The following IGFL4 variants were observed in gnomAD, a reference collection of about 807,000 sequenced individuals.
IGFL4 encodes IGF like family member 4.
Under a neutral mutation model 15.4 loss-of-function variants are expected in IGFL4, and 12 were observed. The ratio of observed to expected loss-of-function variants is 0.78; its 90% CI spans 0.50 to 1.26. The LOEUF is 1.26. Ranked by LOEUF, IGFL4 falls within the 50% of genes most tolerant of loss-of-function variation. The pLI is 0.00. For synonymous variants in IGFL4, 54 were observed against 55.9 expected (o/e 0.97, Z 0.16); for missense variants, 126 against 147.8 (o/e 0.85, Z 0.76).
At chr19:46,048,743 A>G (rs1394320035) in intron 2 of IGFL4, among the ~76,000 whole-genome samples, 3 of 152,200 alleles carry the variant, frequency 2.0e-5, no homozygotes, top group African/African-American at 7.2e-5. Context: ...GAGAACTACA[A>G]ATCACTGCTC....
intron 1 of IGFL4, among the ~76,000 whole-genome samples, chr19:46,067,482 G>A (rs10403760): frequency 0.2 from 30,634 of 151,990 alleles, 3,943 homozygotes; most frequent in African/African-American, 0.35. Context: ...CCTGATCCCA[G>A]AAGAATTAGC....
chr19:46,040,483 G>A lies in IGFL4; in HGVS notation c.70+35C>T, dbSNP rs766264202. The A allele has an allele frequency of 1.7e-5, 27 of 1,613,936 alleles. No individual in the cohort carries two copies. The South Asian group carries it at 2.7e-4, about 16-fold the overall frequency. ...GGACCACCTCCCCACCAACCTTAAT[G>A]CTGTTCTCTCCTCCCTCACTGCATC... On this transcript the variant is annotated intron_variant, in intron 2 of 3. Transcript: ENST00000377697. The surrounding 1 kb of genome is among the most constrained non-coding windows in gnomAD (Gnocchi z 4.1).
At chr19:46,061,351 A>G (rs1256537073) in intron 1 of IGFL4, among the ~76,000 whole-genome samples, 1 of 152,234 alleles carries the variant, frequency 6.6e-6, no homozygotes, top group Non-Finnish European at 1.5e-5. Context: ...TTTTCTGAGA[A>G]AATATTTGAT....
rs1428684131 is a variant in IGFL4, at chr19:46,047,314, TAAC to T, written c.-322-6207_-322-6205del. ...TCAGAAAGCTAGAAAGATCTCAAGTTAACAACCTAACATCTCAACTAAAAGAAC... is the reference window on the plus strand; with the variant it reads ...TCAGAAAGCTAGAAAGATCTCAAGTTAACCTAACATCTCAACTAAAAGAAC... On this transcript the variant is annotated intron_variant, in intron 2 of 5. Coordinates refer to the IGFL4 transcript ENST00000601672. Among the ~76,000 whole-genome samples the T allele has an allele frequency of 2.6e-5, 4 of 152,192 alleles. No homozygotes were observed. In the East Asian group the frequency reaches 5.8e-4, roughly 22 times the overall value.
chr19:46,043,630 A>C (rs1969268989), upstream of IGFL4, among the ~76,000 whole-genome samples: 2 of 152,232 alleles, frequency 1.3e-5, no homozygotes, highest in Non-Finnish European at 2.9e-5. Flanking sequence ...TTTCAGAAAT[A>C]AACCCAAACA....
chr19:46,056,976 C>G (rs1969399145), intron 2 of IGFL4, among the ~76,000 whole-genome samples: 1 of 152,124 alleles, frequency 6.6e-6, no homozygotes, highest in Non-Finnish European at 1.5e-5. Context: ...TTCAGAGTCC[C>G]AAAGGCTGTT....
chr19:46,049,800 C>T (rs1484389978), intron 2 of IGFL4, among the ~76,000 whole-genome samples: 2 of 152,182 alleles, frequency 1.3e-5, no homozygotes, highest in Non-Finnish European at 2.9e-5. Context: ...GTATCCTCCC[C>T]ACACAACCAC....
chr19:46,059,881 C>T (rs2146522248), intron 2 of IGFL4: 1 of 152,260 alleles, frequency 6.6e-6, no homozygotes, highest in Non-Finnish European at 1.5e-5. Flanking sequence ...TGGGTAAATT[C>T]CTCTCCTCTT....
intron 1 of IGFL4, among the ~76,000 whole-genome samples, chr19:46,069,541 T>C (rs943437933): frequency 1.3e-5 from 2 of 152,216 alleles, no homozygotes; most frequent in Non-Finnish European, 2.9e-5. Flanking sequence ...AGTCTACATA[T>C]ATGCCACACT....
At chr19:46,069,557 C>T (rs1368345612) in intron 1 of IGFL4, among the ~76,000 whole-genome samples, 1 of 152,120 alleles carries the variant, frequency 6.6e-6, no homozygotes, top group African/African-American at 2.4e-5. Flanking sequence ...ACACTTTTCC[C>T]TTCTTATAAA....
At position 46,040,741 on chromosome 19, in the gene IGFL4, G is replaced by A; in HGVS notation, c.20-173C>T. The A allele has an allele frequency of 1.1e-6, 1 of 938,190 alleles. No individual in the cohort carries two copies. Among genetic ancestry groups the A allele is most frequent in the Non-Finnish European group, 1.7e-6 (1 of 597,660 alleles). The allele number at this position is 938,190 out of a possible 1,614,324, so 58.1% of individuals were successfully genotyped here. The stretch of plus-strand genomic sequence containing the variant: ...GGGCTTGGCAGGTGAGGAAAGGCAG[G>A]GAGGGCTCTGGGAAAAGTTAAGCTT... On this transcript the variant is annotated intron_variant, in intron 1 of 3. Transcript: ENST00000377697. The surrounding 1 kb of genome is among the most constrained non-coding windows in gnomAD (Gnocchi z 4.1).
At chr19:46,076,821 T>C (rs1242904843) in intron 1 of IGFL4, among the ~76,000 whole-genome samples, 2 of 152,170 alleles carry the variant, frequency 1.3e-5, no homozygotes, top group Non-Finnish European at 2.9e-5. Context: ...CTATCTTTCC[T>C]GGCTGCCCGG....
At chr19:46,049,432 G>T (rs143860351) in intron 2 of IGFL4, among the ~76,000 whole-genome samples, 1 of 152,324 alleles carries the variant, frequency 6.6e-6, no homozygotes, top group Admixed American at 6.5e-5. Context: ...GGGGGGCATA[G>T]TGGGAGTGAG....
chr19:46,060,517 A>G (rs995014671), intron 1 of IGFL4, among the ~76,000 whole-genome samples: 1 of 152,232 alleles, frequency 6.6e-6, no homozygotes, highest in Non-Finnish European at 1.5e-5. Flanking sequence ...CTAGAGTCCT[A>G]TAGCTGATTA....
At chr19:46,043,482 A>G (rs550125771), upstream of IGFL4, among the ~76,000 whole-genome samples, 1 of 152,334 alleles carries the variant, frequency 6.6e-6, no homozygotes, top group African/African-American at 2.4e-5. Context: ...GGAAACAAGA[A>G]TGGCCCAAAC....
In IGFL4 at chr19:46,065,354, G is replaced by A. The variant is rs545037809; in HGVS notation, c.-431-5061C>T. ...CTTTTCTTTTTTGAGAGGGAGTCTC[G>A]CTCTGTCGCCCAGGCTGGAGTGCAG... is the stretch of plus-strand genomic sequence containing the variant. On this transcript the variant is annotated intron_variant, in intron 1 of 5. Coordinates refer to the IGFL4 transcript ENST00000601672. Among the ~76,000 whole-genome samples the A allele has an allele frequency of 7.2e-5, 11 of 152,170 alleles. 1 individual carries two copies. Among genetic ancestry groups the A allele is most frequent in the East Asian group, 3.9e-4 (2 of 5,182 alleles).
upstream of IGFL4, among the ~76,000 whole-genome samples, chr19:46,077,354 G>C (rs148939391): frequency 0.013 from 2,051 of 152,236 alleles, 32 homozygotes; most frequent in Middle Eastern, 0.027. The surrounding 1 kb of genome is among the most constrained non-coding windows in gnomAD (Gnocchi z 5.4). Flanking sequence ...GACCTGCCCA[G>C]GCTGCAAAAC....
At chr19:46,067,557 CAG>C (rs1218466510) in intron 1 of IGFL4, among the ~76,000 whole-genome samples, 3 of 152,212 alleles carry the variant, frequency 2.0e-5, no homozygotes, top group Non-Finnish European at 2.9e-5. Context: ...AGGCAGGAAA[CAG>C]ATGACTGCAC....
At chr19:46,055,592 A>G (rs1419645067) in intron 2 of IGFL4, among the ~76,000 whole-genome samples, 1 of 152,194 alleles carries the variant, frequency 6.6e-6, no homozygotes, top group Non-Finnish European at 1.5e-5. Flanking sequence ...GTTTACCTAT[A>G]TTGAAAAAAA....
Sources: allele counts gnomAD v4.1 joint callset (sites outside exome capture counted in the v4.1 genomes callset), GRCh38; gene constraint gnomAD v4.1.1; non-coding constraint Gnocchi (gnomAD v3.1); transcripts MANE v1.5; gene names NCBI Gene and HGNC (gene_info 2026-07-23, HGNC 2026-07-21).